The following LUZP2 variants were observed in gnomAD, a reference collection of about 807,000 sequenced individuals.
LUZP2 encodes the protein leucine zipper protein 2.
LUZP2 carries 52 observed loss-of-function variants against 51.6 expected under a neutral mutation model. The observed-to-expected ratio is 1.01, with a 90% confidence interval of 0.81 to 1.27. The LOEUF is 1.27. Among genes scored for constraint, LUZP2 ranks in the 50% most tolerant of loss-of-function variants. LUZP2 has a pLI of 0.00. For synonymous variants in LUZP2, 154 were observed against 137.3 expected, an observed-to-expected ratio of 1.12 and a Z score of -0.85; for missense variants, 436 against 395.4, an observed-to-expected ratio of 1.10 and a Z score of -0.87.
intron 5 of LUZP2, among the ~76,000 whole-genome samples, chr11:24,897,301 A>G (rs1387797233): frequency 6.6e-6 from 1 of 152,216 alleles, no homozygotes; most frequent in Non-Finnish European, 1.5e-5. Context: ...AGCAGGCTGC[A>G]GGAGCCAGTA....
intron 1 of LUZP2, among the ~76,000 whole-genome samples, chr11:24,609,701 G>T (rs1180173315): frequency 1.8e-5 from 2 of 111,948 alleles, no homozygotes; most frequent in African/African-American, 7.0e-5. Flanking sequence ...CTGCACTCCA[G>T]CCTGGATGAT....
intron 5 of LUZP2, among the ~76,000 whole-genome samples, chr11:24,824,096 G>A (rs944264720): frequency 6.6e-6 from 1 of 151,628 alleles, no homozygotes; most frequent in African/African-American, 2.4e-5. Flanking sequence ...GGGTGTGGTG[G>A]CTTATGCCTG....
intron 1 of LUZP2, among the ~76,000 whole-genome samples, chr11:24,726,754 A>G (rs1858491693): frequency 1.3e-5 from 2 of 152,118 alleles, no homozygotes; most frequent in Admixed American, 1.3e-4. Context: ...GTGCTCTAAG[A>G]CATATGAAGC....
At chr11:25,038,185 C>T (rs1018580047) in intron 9 of LUZP2, among the ~76,000 whole-genome samples, 1 of 152,018 alleles carries the variant, frequency 6.6e-6, no homozygotes, top group African/African-American at 2.4e-5. Context: ...TCATATTTCT[C>T]AGAGGTATTA....
At chr11:24,601,922 A>ATATATG (rs1406724194) in intron 1 of LUZP2, among the ~76,000 whole-genome samples, 112 of 65,986 alleles carry the variant, frequency 1.7e-3, no homozygotes, top group African/African-American at 7.7e-3. Context: ...GTATATATGT[A>ATATATG]TATATATGTA....
chr11:24,757,331 A>T (rs1393820147), intron 4 of LUZP2, among the ~76,000 whole-genome samples: 2 of 152,204 alleles, frequency 1.3e-5, no homozygotes, highest in Non-Finnish European at 2.9e-5. Context: ...CTCTATTTTA[A>T]TAAAAGTAAA....
intron 5 of LUZP2, among the ~76,000 whole-genome samples, chr11:24,805,678 A>T (rs1052345655): frequency 6.6e-6 from 1 of 152,140 alleles, no homozygotes; most frequent in Admixed American, 6.6e-5. Context: ...TAGAACCCTG[A>T]GTGGCCATTG....
At chr11:24,827,549 A>G (rs953975127) in intron 5 of LUZP2, among the ~76,000 whole-genome samples, 1 of 152,134 alleles carries the variant, frequency 6.6e-6, no homozygotes, top group Non-Finnish European at 1.5e-5. Flanking sequence ...AAGTACATTC[A>G]AAGGTCTTGA....
At chr11:24,811,367 A>G (rs1305271514) in intron 5 of LUZP2, among the ~76,000 whole-genome samples, 1 of 152,170 alleles carries the variant, frequency 6.6e-6, no homozygotes, top group African/African-American at 2.4e-5. Context: ...AGCCTCTGAA[A>G]TATAACATAT....
rs980394618 is a variant in LUZP2 at position 24,504,439 on chromosome 11, C to A, written c.62+7134C>A. Among the ~76,000 whole-genome samples, 100 of 152,238 alleles carry A rather than the reference C, an allele frequency of 6.6e-4. 2 individuals are homozygous for A. The highest frequency in any genetic ancestry group is 2.3e-3 in the African/African-American group (97 of 41,546). ...AGATGGTTGTAGAATATTCCACCTG[C>A]ACATGTTATAAGCTCTTTGCCTTTG... On this transcript the variant is annotated intron_variant, in intron 1 of 11. Coordinates refer to ENST00000336930, the MANE Select transcript of LUZP2 (RefSeq NM_001009909.4).
At chr11:24,948,106 T>C (rs188157673) in intron 7 of LUZP2, among the ~76,000 whole-genome samples, 1 of 151,944 alleles carries the variant, frequency 6.6e-6, no homozygotes, top group Admixed American at 6.6e-5. Flanking sequence ...TTATTTTTCT[T>C]AATTCTTTTT....
intron 1 of LUZP2, among the ~76,000 whole-genome samples, chr11:24,708,818 A>G (rs1590378881): frequency 6.6e-6 from 1 of 152,360 alleles, no homozygotes; most frequent in East Asian, 1.9e-4. Context: ...GGATGAGTTC[A>G]GATGTAATTA....
intron 1 of LUZP2, among the ~76,000 whole-genome samples, chr11:24,590,347 G>C (rs1853216773): frequency 6.6e-6 from 1 of 152,050 alleles, no homozygotes. Flanking sequence ...GTGCATATCT[G>C]TGTTGTATAA....
At chr11:25,075,988 A>G (rs987721151) in intron 10 of LUZP2, among the ~76,000 whole-genome samples, 3 of 151,452 alleles carry the variant, frequency 2.0e-5, no homozygotes, top group Non-Finnish European at 4.4e-5. Context: ...TGAATTTTAT[A>G]TATAATTATA....
At chr11:24,689,034 G>A (rs1318756720) in intron 1 of LUZP2, among the ~76,000 whole-genome samples, 1 of 152,092 alleles carries the variant, frequency 6.6e-6, no homozygotes. Flanking sequence ...TCAGCCAAGG[G>A]GTATAAGGCA....
At chr11:24,626,278 A>T (rs1188276784) in intron 1 of LUZP2, among the ~76,000 whole-genome samples, 1 of 152,266 alleles carries the variant, frequency 6.6e-6, no homozygotes, top group East Asian at 1.9e-4. Flanking sequence ...GGAAGAGCCT[A>T]TATTGTCTCA....
At chr11:24,553,072 G>A (rs1851766687) in intron 1 of LUZP2, among the ~76,000 whole-genome samples, 1 of 151,420 alleles carries the variant, frequency 6.6e-6, no homozygotes. Flanking sequence ...AATAATAACT[G>A]TTACGTTATT....
chr11:24,592,691 G>GAA (rs113544553), intron 1 of LUZP2, among the ~76,000 whole-genome samples: 22,720 of 148,728 alleles, frequency 0.15, 1,841 homozygotes, highest in South Asian at 0.2. Flanking sequence ...TTGGAGAAAA[G>GAA]AAAAAAAAAA....
chr11:24,907,430 A>G (rs905905506), intron 6 of LUZP2, among the ~76,000 whole-genome samples: 1 of 152,072 alleles, frequency 6.6e-6, no homozygotes, highest in Non-Finnish European at 1.5e-5. Context: ...CTAAAAGATG[A>G]TGTTCCATAG....
Sources: allele counts gnomAD v4.1 joint callset (sites outside exome capture counted in the v4.1 genomes callset), GRCh38; gene constraint gnomAD v4.1.1; transcripts MANE v1.5; gene names NCBI Gene and HGNC (gene_info 2026-07-23, HGNC 2026-07-21).